Variants in GRAMD2B observed in about 807,000 individuals in gnomAD.
GRAMD2B encodes the protein GRAM domain-containing protein 2B.
In GRAMD2B, 41 loss-of-function variants were observed where a neutral mutation model predicts 59.2. That is an observed-to-expected ratio of 0.69 (90% CI 0.54 to 0.90). The LOEUF is 0.90. GRAMD2B is among the 40% of genes least tolerant of loss of function. The pLI is 0.00. For missense variants in GRAMD2B, 424 were observed against 500.5 expected (o/e 0.85, Z 1.46); for synonymous variants, 161 against 182.7 (o/e 0.88, Z 0.96).
chr5:126,400,293 A>G (rs1264462255), intron 1 of GRAMD2B, among the ~76,000 whole-genome samples: 1 of 152,168 alleles, frequency 6.6e-6, no homozygotes, highest in East Asian at 1.9e-4. Flanking sequence ...TATAACAGTT[A>G]GCTTATTGTA....
intron 1 of GRAMD2B, among the ~76,000 whole-genome samples, chr5:126,364,976 A>G (rs967881367): frequency 3.3e-5 from 5 of 152,336 alleles, no homozygotes; most frequent in Admixed American, 6.5e-5. Flanking sequence ...CTTGAAAATA[A>G]TGACTGTATT....
chr5:126,463,515 A>G (rs1767740361), intron 1 of GRAMD2B, among the ~76,000 whole-genome samples: 1 of 152,216 alleles, frequency 6.6e-6, no homozygotes, highest in Non-Finnish European at 1.5e-5. Flanking sequence ...ATTATTTTAA[A>G]CCAAAACAGG....
At chr5:126,449,294 G>T (rs1561538981) in intron 1 of GRAMD2B, among the ~76,000 whole-genome samples, 5 of 152,154 alleles carry the variant, frequency 3.3e-5, no homozygotes, top group Admixed American at 3.3e-4. Context: ...GCAGTGAGGA[G>T]CTATCACTAG....
At chr5:126,361,777 T>C (rs918789592) in intron 1 of GRAMD2B, among the ~76,000 whole-genome samples, 1 of 152,168 alleles carries the variant, frequency 6.6e-6, no homozygotes, top group African/African-American at 2.4e-5. Context: ...AACTCTAATT[T>C]ACCAAAAATC....
intron 3 of GRAMD2B, among the ~76,000 whole-genome samples, chr5:126,470,180 A>G (rs938237502): frequency 8.5e-5 from 13 of 152,322 alleles, no homozygotes; most frequent in African/African-American, 2.4e-4. Flanking sequence ...CCAACTGCAC[A>G]CAGAGGAGTT....
chr5:126,423,355 T>C (rs1759966954), upstream of GRAMD2B: 1 of 1,323,064 alleles, frequency 7.6e-7, no homozygotes, highest in African/African-American at 1.6e-5. Context: ...GGCTGTCACT[T>C]CGCTTCGACC....
intron 1 of GRAMD2B, among the ~76,000 whole-genome samples, chr5:126,400,157 T>G (rs1238734142): frequency 6.6e-6 from 1 of 151,900 alleles, no homozygotes; most frequent in Non-Finnish European, 1.5e-5. Context: ...CACATGAAAG[T>G]GAAAAGATAA....
At chr5:126,380,863 T>G (rs1755601125) in intron 1 of GRAMD2B, among the ~76,000 whole-genome samples, 1 of 152,198 alleles carries the variant, frequency 6.6e-6, no homozygotes, top group Admixed American at 6.5e-5. Context: ...CAGTTTGACT[T>G]CCTCTTTACC....
rs536265654 is a variant in GRAMD2B at position 126,488,389 on chromosome 5, A to G, written c.1164-410A>G. ...GGGACATTTGATTAACTAGATAAGG[A>G]CATTCCTAAACTTGTAAAGTTCTAG... On this transcript the variant is annotated intron_variant, in intron 12 of 13. Transcript: ENST00000285689. Among the ~76,000 whole-genome samples, 4 of 152,374 alleles carry G rather than the reference A, an allele frequency of 2.6e-5. No individual in the cohort carries two copies. In the South Asian group the frequency reaches 8.3e-4, roughly 32 times the overall value.
At chr5:126,464,742 T>G (rs1767985559) in intron 1 of GRAMD2B, among the ~76,000 whole-genome samples, 1 of 152,130 alleles carries the variant, frequency 6.6e-6, no homozygotes, top group Admixed American at 6.6e-5. Context: ...GAGTTAATTA[T>G]GAGGATAAAT....
exon 1 of GRAMD2B, chr5:126,360,375 A>G (rs1428717586): frequency 3.2e-6 from 5 of 1,551,468 alleles, no homozygotes; most frequent in Non-Finnish European, 4.4e-6. Context: ...AGGAGCATTC[A>G]GCAAACATTC....
intron 1 of GRAMD2B, among the ~76,000 whole-genome samples, chr5:126,363,386 C>T (rs914760775): frequency 7.9e-5 from 12 of 151,972 alleles, no homozygotes; most frequent in East Asian, 5.8e-4. Context: ...TAAAATGTTA[C>T]GACCATTTTG....
At chr5:126,466,384 C>A in intron 2 of GRAMD2B, 1 of 799,710 alleles carries the variant, frequency 1.3e-6, no homozygotes, top group South Asian at 1.5e-5. Flanking sequence ...CTCTAATTCC[C>A]AATTATCTCT....
rs538765118 is a variant in GRAMD2B, at chr5:126,423,554, G to T, written c.-53G>T. 1.9e-6 allele frequency: 3 copies of T among 1,585,890 alleles called. No individual in the cohort carries two copies. The South Asian group carries it at 3.5e-5, about 18-fold the overall frequency. On this transcript the variant is annotated 5_prime_UTR_variant, in exon 1 of 14. Coordinates refer to ENST00000285689, the MANE Select transcript of GRAMD2B (RefSeq NM_023927.4). ...CCGGACCTAGAAGCCGGGACGAGCC[G>T]GGGCAGAGCCAGGCGCGCGGAAGTC...
chr5:126,370,088 G>T (rs188977261), upstream of GRAMD2B, among the ~76,000 whole-genome samples: 4 of 152,192 alleles, frequency 2.6e-5, no homozygotes, highest in African/African-American at 7.2e-5. Flanking sequence ...GCATGAGGGC[G>T]CTCAGCAGTA....
intron 6 of GRAMD2B, among the ~76,000 whole-genome samples, chr5:126,478,140 GAA>G (rs11376080): frequency 1.1e-4 from 14 of 126,838 alleles, no homozygotes; most frequent in South Asian, 5.2e-4. Flanking sequence ...GTCTTAAAGG[GAA>G]AAAAAAAAAA....
At position 126,423,476 on chromosome 5, in the gene GRAMD2B, G is replaced by T; in HGVS notation, c.-131G>T. 6.9e-7 allele frequency: 1 copy of T among 1,452,468 alleles called. No homozygotes were observed. 90.0% of individuals were successfully genotyped at this position (1,452,468 alleles called of 1,614,324 possible). On this transcript the variant is annotated 5_prime_UTR_variant, in exon 1 of 14. Transcript: ENST00000285689. Reference sequence around the variant, plus strand: ...GCTTGGCGCGGCCCGGCCTGGATGCGCTGGGCGGAGGGTGCAGGGGAGGGC... The same window carrying T: ...GCTTGGCGCGGCCCGGCCTGGATGCTCTGGGCGGAGGGTGCAGGGGAGGGC...
chr5:126,401,110 T>C (rs1580801576), intron 1 of GRAMD2B, among the ~76,000 whole-genome samples: 1 of 152,024 alleles, frequency 6.6e-6, no homozygotes, highest in African/African-American at 2.4e-5. Context: ...TCTTAGGCTT[T>C]CTTTACTTTT....
intron 1 of GRAMD2B, chr5:126,465,018 AG>A (rs1320248135): frequency 2.0e-6 from 2 of 993,716 alleles, no homozygotes; most frequent in African/African-American, 3.5e-5. Context: ...TGCAAACAAA[AG>A]GGGTGGGGGT....
Sources: gnomAD v4.1 joint callset for allele counts (sites outside exome capture counted in the v4.1 genomes callset) on GRCh38, gnomAD v4.1.1 for gene constraint, MANE v1.5 for transcripts, NCBI Gene and HGNC (gene_info 2026-07-23, HGNC 2026-07-21) for gene names.